HCN1: variants seen among roughly 807,000 people sequenced by gnomAD.
HCN1 encodes the protein potassium/sodium hyperpolarization-activated cyclic nucleotide-gated channel 1.
HCN1 carries 13 observed loss-of-function variants against 78.9 expected under a neutral mutation model. The observed-to-expected ratio is 0.16, with a 90% CI of 0.11 to 0.26. The LOEUF (loss-of-function observed/expected upper bound fraction) is 0.26, where lower values mean the gene tolerates loss of function less well. Among genes scored for constraint, HCN1 ranks in the 10% least tolerant of loss-of-function variants. HCN1 has a pLI of 1.00. For missense variants in HCN1, 810 were observed against 1,154.3 expected, an observed-to-expected ratio of 0.70 and a Z score of 4.32; for synonymous variants, 552 against 455.5, an observed-to-expected ratio of 1.21 and a Z score of -2.70.
At chr5:45,649,358 A>C (rs1745633336) in intron 1 of HCN1, among the ~76,000 whole-genome samples, 4 of 151,812 alleles carry the variant, frequency 2.6e-5, no homozygotes, top group Admixed American at 1.3e-4. Context: ...GTCCCTCCCC[A>C]TTATCAACAT....
At chr5:45,521,833 T>C (rs76488239) in intron 2 of HCN1, among the ~76,000 whole-genome samples, 2,102 of 152,150 alleles carry the variant, frequency 0.014, 29 homozygotes, top group Middle Eastern at 0.061. Context: ...CAGTTTTCAC[T>C]AATCATTAAT....
At chr5:45,638,984 AAAT>A (rs1745405631) in intron 2 of HCN1, among the ~76,000 whole-genome samples, 1 of 152,254 alleles carries the variant, frequency 6.6e-6, no homozygotes, top group South Asian at 2.1e-4. Flanking sequence ...ATTAAAAAGT[AAAT>A]AATATAATAT....
intron 4 of HCN1, among the ~76,000 whole-genome samples, chr5:45,374,960 G>A (rs1431679094): frequency 7.1e-6 from 1 of 141,760 alleles, no homozygotes; most frequent in African/African-American, 2.6e-5. Flanking sequence ...ATAGTTTGTC[G>A]ACAGCAGTGT....
chr5:45,435,426 A>G (rs1213059630), intron 3 of HCN1, among the ~76,000 whole-genome samples: 2 of 152,192 alleles, frequency 1.3e-5, no homozygotes, highest in Admixed American at 6.5e-5. Context: ...TTTGGTTAAG[A>G]TAGCCTGTAA....
chr5:45,302,950 T>A (rs1166661579), intron 6 of HCN1, among the ~76,000 whole-genome samples: 1 of 152,096 alleles, frequency 6.6e-6, no homozygotes, highest in Non-Finnish European at 1.5e-5. Flanking sequence ...CTAAGTCCAA[T>A]TAAACCTCTT....
intron 6 of HCN1, among the ~76,000 whole-genome samples, chr5:45,287,235 T>C (rs557340493): frequency 6.6e-6 from 1 of 151,982 alleles, no homozygotes; most frequent in South Asian, 2.1e-4. Flanking sequence ...GAAGAGCGGT[T>C]ACCTGTGAGT....
At chr5:45,478,561 T>A (rs964280176) in intron 2 of HCN1, among the ~76,000 whole-genome samples, 16 of 152,116 alleles carry the variant, frequency 1.1e-4, no homozygotes, top group African/African-American at 3.6e-4. Flanking sequence ...GTGATAGTTA[T>A]CCGTACTAAT....
chr5:45,442,380 T>C (rs1740694833), intron 3 of HCN1, among the ~76,000 whole-genome samples: 1 of 152,084 alleles, frequency 6.6e-6, no homozygotes, highest in African/African-American at 2.4e-5. Flanking sequence ...ACATACGAAA[T>C]TATGTTTGAT....
intron 4 of HCN1, among the ~76,000 whole-genome samples, chr5:45,378,347 G>T (rs1218782387): frequency 6.6e-6 from 1 of 151,924 alleles, no homozygotes; most frequent in African/African-American, 2.4e-5. Flanking sequence ...ATAAACTAGA[G>T]TGCCAATTTT....
intron 1 of HCN1, among the ~76,000 whole-genome samples, chr5:45,660,550 A>G (rs1200934358): frequency 1.3e-5 from 2 of 152,126 alleles, no homozygotes; most frequent in Non-Finnish European, 2.9e-5. Flanking sequence ...TGCTGTATTC[A>G]GGAAACCCAT....
chr5:45,521,708 A>G (rs776902734), intron 2 of HCN1, among the ~76,000 whole-genome samples: 1 of 151,974 alleles, frequency 6.6e-6, no homozygotes, highest in Non-Finnish European at 1.5e-5. Context: ...ACTTCACCAT[A>G]TCTTTTGCAG....
At chr5:45,490,134 A>G (rs1206595892) in intron 2 of HCN1, among the ~76,000 whole-genome samples, 3 of 152,182 alleles carry the variant, frequency 2.0e-5, no homozygotes, top group African/African-American at 7.2e-5. Flanking sequence ...AGGGAACAAC[A>G]TGTGCAAAAT....
At chr5:45,339,194 C>T (rs1214398874) in intron 5 of HCN1, among the ~76,000 whole-genome samples, 1 of 152,104 alleles carries the variant, frequency 6.6e-6, no homozygotes, top group African/African-American at 2.4e-5. Context: ...CTACTGCATG[C>T]TGGTTACTAG....
chr5:45,326,401 A>G (rs1746234059), intron 5 of HCN1, among the ~76,000 whole-genome samples: 1 of 151,618 alleles, frequency 6.6e-6, no homozygotes, highest in African/African-American at 2.4e-5. Flanking sequence ...ACCACAAAAT[A>G]TTTCCCAAAT....
At chr5:45,306,763 C>T (rs1745742872) in intron 5 of HCN1, among the ~76,000 whole-genome samples, 1 of 152,016 alleles carries the variant, frequency 6.6e-6, no homozygotes, top group African/African-American at 2.4e-5. Flanking sequence ...ATTCAAATTA[C>T]TTATGGCACT....
chr5:45,342,665 G>C (rs1475858828), intron 5 of HCN1, among the ~76,000 whole-genome samples: 1 of 152,076 alleles, frequency 6.6e-6, no homozygotes, highest in Non-Finnish European at 1.5e-5. Context: ...CAGATATTTA[G>C]CCTCATATTT....
chr5:45,586,370 G>A (rs1744226325), intron 2 of HCN1, among the ~76,000 whole-genome samples: 1 of 152,146 alleles, frequency 6.6e-6, no homozygotes, highest in East Asian at 1.9e-4. Flanking sequence ...AAGACCATTG[G>A]AAAAGCACAG....
rs1170637860 is a variant in HCN1, at chr5:45,695,821, G to A, written c.273C>T (p.Tyr91=). The A allele has an allele frequency of 1.9e-6, 3 of 1,607,268 alleles. No individual in the cohort carries two copies. Among genetic ancestry groups the A allele is most frequent in the East Asian group, 2.2e-5 (1 of 44,596 alleles). ...AGGTGAACTGCCTCTGCATGAAGCC[G>A]TACTGCCGCCGGGGCCCCTCGGCGT... ...FEDAEGPRRQ[Y]GFMQRQFTSM... Residue 91 remains tyrosine (Y), a synonymous_variant, in exon 1 of 8, where the codon TAC becomes TAT. Transcript: ENST00000303230.
intron 7 of HCN1, among the ~76,000 whole-genome samples, chr5:45,264,919 G>A (rs1744827008): frequency 1.3e-5 from 2 of 152,136 alleles, no homozygotes; most frequent in African/African-American, 2.4e-5. Context: ...GGCTGGGCGC[G>A]GTGGCTCATG....
Sources: allele counts gnomAD v4.1 joint callset (sites outside exome capture counted in the v4.1 genomes callset), GRCh38; gene constraint gnomAD v4.1.1; transcripts MANE v1.5; gene names NCBI Gene and HGNC (gene_info 2026-07-23, HGNC 2026-07-21).